The following BRWD1 variants were observed in gnomAD, a reference collection of about 807,000 sequenced individuals.
BRWD1 encodes bromodomain and WD repeat domain containing 1, also known as bromodomain and WD repeat-containing protein 1.
In BRWD1, 82 loss-of-function variants were observed where a neutral mutation model predicts 251.2. The observed-to-expected ratio is 0.33, with a 90% CI of 0.27 to 0.39. The LOEUF is 0.39. Among genes scored for constraint, BRWD1 ranks in the 10% least tolerant of loss-of-function variants. The pLI is 1.00. For synonymous variants in BRWD1, 918 were observed against 902.8 expected, an observed-to-expected ratio of 1.02 and a Z score of -0.30; for missense variants, 2,233 against 2,711.6, an observed-to-expected ratio of 0.82 and a Z score of 3.92.
chr21:39,252,157 G>A (rs1215853266), intron 19 of BRWD1, among the ~76,000 whole-genome samples: 1 of 150,784 alleles, frequency 6.6e-6, no homozygotes, highest in Non-Finnish European at 1.5e-5. Flanking sequence ...GCTGAGGCAG[G>A]AGAATCGCTT....
chr21:39,287,849 G>T (rs1267807908), intron 8 of BRWD1, among the ~76,000 whole-genome samples: 1 of 152,136 alleles, frequency 6.6e-6, no homozygotes, highest in East Asian at 1.9e-4. Context: ...TCTAATACAT[G>T]AATTGGGTGT....
At chr21:39,222,303 T>A (rs1453219768) in intron 29 of BRWD1, among the ~76,000 whole-genome samples, 1 of 152,130 alleles carries the variant, frequency 6.6e-6, no homozygotes, top group East Asian at 1.9e-4. Flanking sequence ...GATGAATGGA[T>A]AAAAATGTGT....
chr21:39,196,510 C>G lies in BRWD1; in HGVS notation c.6559G>C (p.Val2187Leu). ...KRRKTKGKAK[V>L]VRKGKTFTAN... Reference sequence around the variant, plus strand: ...GTAAAAGTTTTACCTTTTCTAACTACTTTTGCTTTTCCTTTCGTTTTCCTC... The same window carrying G: ...GTAAAAGTTTTACCTTTTCTAACTAGTTTTGCTTTTCCTTTCGTTTTCCTC... The change falls in exon 41 of 41, where the codon GTA becomes CTA. Residue 2187 changes from valine (V) to leucine (L), a missense_variant. Val to Leu is a conservative substitution (Grantham distance 32). This residue lies in a region of BRWD1 where 928 missense variants were observed against 970.0 expected (regional missense o/e 0.96). Coordinates refer to ENST00000342449, the MANE Select transcript of BRWD1 (RefSeq NM_033656.4). 1.2e-6 allele frequency: 2 copies of G among 1,613,542 alleles called. No individual in the cohort carries two copies. Among genetic ancestry groups the G allele is most frequent in the South Asian group, 2.2e-5 (2 of 91,022 alleles).
intron 4 of BRWD1, among the ~76,000 whole-genome samples, chr21:39,299,718 T>C (rs1364028559): frequency 1.3e-5 from 2 of 151,858 alleles, no homozygotes; most frequent in South Asian, 4.2e-4. Context: ...CTCACGCTTG[T>C]AATCCCAACA....
At chr21:39,297,843 T>C in intron 5 of BRWD1, 1 of 962,726 alleles carries the variant, frequency 1.0e-6, no homozygotes, top group Non-Finnish European at 1.2e-6. Context: ...TACACATATA[T>C]TATATCACAT....
rs1458378056 is a variant in BRWD1, at chr21:39,282,236, C to G, written c.832-1988G>C. On this transcript the variant is annotated intron_variant, in intron 8 of 40. Coordinates refer to ENST00000342449, the MANE Select transcript of BRWD1 (RefSeq NM_033656.4). ...TCAGCCTGGGCAACAGAGTGAGACTCTGTCTCAAAAAGCAAACAAACTTGC... is the reference window on the plus strand; with the variant it reads ...TCAGCCTGGGCAACAGAGTGAGACTGTGTCTCAAAAAGCAAACAAACTTGC... Among the ~76,000 whole-genome samples the G allele has an allele frequency of 2.0e-5, 3 of 152,222 alleles. No homozygotes were observed. In the East Asian group the frequency reaches 5.8e-4, roughly 29 times the overall value.
intron 1 of BRWD1, 58 bp from the exon 2 acceptor site, chr21:39,313,357 CA>C: frequency 3.4e-6 from 5 of 1,473,514 alleles, no homozygotes; most frequent in Admixed American, 4.4e-5. Context: ...GGGACGGGGC[CA>C]GGGGAGCCGG....
intron 40 of BRWD1, 40 bp downstream of exon 40, chr21:39,198,723 G>T: frequency 2.7e-6 from 4 of 1,496,630 alleles, no homozygotes; most frequent in Non-Finnish European, 3.6e-6. Flanking sequence ...AAAGGATGGT[G>T]AGAGTCAATC....
intron 34 of BRWD1, among the ~76,000 whole-genome samples, chr21:39,211,757 TA>T (rs1404456565): frequency 2.0e-5 from 3 of 152,176 alleles, no homozygotes; most frequent in African/African-American, 7.2e-5. Flanking sequence ...CGAAAATGAC[TA>T]ATCAAATTAG....
chr21:39,196,336 T>G lies in BRWD1; in HGVS notation c.6733A>C (p.Arg2245=), dbSNP rs1427637714. ...SKIKTRNQGR[R]TVRYHDGDDD... The stretch of plus-strand genomic sequence containing the variant: ...TCCCCATCATGGTATCTCACAGTCC[T>G]TCTACCCTGATTTCTCGTTTTTATT... Residue 2245 remains arginine (R), a synonymous_variant, in exon 41 of 41, where the codon AGG becomes CGG. Coordinates refer to ENST00000342449, the MANE Select transcript of BRWD1 (RefSeq NM_033656.4). 3 of 1,613,440 alleles carry G rather than the reference T, an allele frequency of 1.9e-6. No homozygotes were observed. The African/African-American group carries it at 4.0e-5, about 22-fold the overall frequency.
At chr21:39,279,224 ATT>A (rs923154466) in intron 9 of BRWD1, among the ~76,000 whole-genome samples, 1 of 152,226 alleles carries the variant, frequency 6.6e-6, no homozygotes, top group African/African-American at 2.4e-5. Context: ...TCCAGTGTGT[ATT>A]TGAGACTCAA....
intron 21 of BRWD1, among the ~76,000 whole-genome samples, chr21:39,242,017 A>G (rs2034021447): frequency 6.6e-6 from 1 of 152,246 alleles, no homozygotes; most frequent in Admixed American, 6.5e-5. Flanking sequence ...TATTGCAATT[A>G]GACCTACTAA....
Position 39,261,062 on chromosome 21 carries a change from T to G in BRWD1, c.1886-2390A>C, listed in dbSNP as rs568760247. Among the ~76,000 whole-genome samples, 30 of 152,200 alleles carry G rather than the reference T, an allele frequency of 2.0e-4. No homozygotes were observed. The South Asian group carries it at 3.9e-3, about 20-fold the overall frequency. ...CAGCATGGTGAAACTTCATCTGTAC[T>G]AAAAATACAAAAATTAGCCTGGTGT... is the stretch of plus-strand genomic sequence containing the variant. On this transcript the variant is annotated intron_variant, in intron 17 of 40. Coordinates refer to ENST00000342449, the MANE Select transcript of BRWD1 (RefSeq NM_033656.4).
chr21:39,251,444 C>G (rs1460839086), intron 19 of BRWD1, among the ~76,000 whole-genome samples: 1 of 152,012 alleles, frequency 6.6e-6, no homozygotes, highest in Non-Finnish European at 1.5e-5. Context: ...TGTCCCTTTT[C>G]TCCAACTGGA....
At chr21:39,254,084 T>A (rs970459339) in intron 19 of BRWD1, among the ~76,000 whole-genome samples, 1 of 152,074 alleles carries the variant, frequency 6.6e-6, no homozygotes. Flanking sequence ...CTGACCAACA[T>A]GGAGAAACCC....
rs1470847096 is a variant in BRWD1, at chr21:39,293,919, T to C, written c.723A>G (p.Thr241=). The C allele has an allele frequency of 1.2e-6, 2 of 1,614,176 alleles. No individual in the cohort carries two copies. The highest frequency in any genetic ancestry group is 3.3e-5 in the Admixed American group (2 of 60,028). The change falls in exon 8 of 41, where the codon ACA becomes ACG. Residue 241 remains threonine (T), a synonymous_variant. Transcript: ENST00000342449. ...ISDMAVNYEN[T]MIAAGSCDKI... Reference sequence around the variant, plus strand: ...TATCACAGCTCCCCGCAGCAATCATTGTATTCTCATAGTTTACTGCCATAT... The same window carrying C: ...TATCACAGCTCCCCGCAGCAATCATCGTATTCTCATAGTTTACTGCCATAT...
intron 29 of BRWD1, among the ~76,000 whole-genome samples, chr21:39,223,297 CAA>C (rs1336032872): frequency 6.6e-6 from 1 of 151,720 alleles, no homozygotes; most frequent in African/African-American, 2.4e-5. Context: ...ATCTTGAAAT[CAA>C]GTTTTTTAAA....
In BRWD1 at chr21:39,313,252, T is replaced by C. The variant is rs1601523966; in HGVS notation, c.97A>G (p.Arg33Gly). Residue 33 changes from arginine to glycine, a missense_variant, in exon 2 of 41, where the codon AGA becomes GGA. Arg to Gly is a moderately radical substitution (Grantham distance 125, BLOSUM62 -2). Coordinates refer to ENST00000342449, the MANE Select transcript of BRWD1 (RefSeq NM_033656.4). ...ARYLSAGPCR[R>G]AAQVLVQELE... ...GGGCCCGCACTCACCTGGGCCGCTC[T>C]CCGACACGGGCCCGCCGATAGGTAC... The C allele has an allele frequency of 1.9e-6, 3 of 1,546,674 alleles. No homozygotes were observed. The highest frequency in any genetic ancestry group is 1.8e-5 in the Admixed American group (1 of 54,816).
Position 39,225,093 on chromosome 21 carries a change from T to G in BRWD1, c.3313A>C (p.Ile1105Leu), listed in dbSNP as rs1440259977. The change falls in exon 28 of 41, where the codon ATT (isoleucine) becomes CTT (leucine). Residue 1105 changes from isoleucine (I) to leucine (L), a missense_variant. By Grantham distance (5) the Ile-to-Leu change is conservative (BLOSUM62 2). Around this residue, in one of 12 missense-constraint regions of BRWD1, gnomAD observed 139 missense variants for 272.8 expected, o/e 0.51. Transcript: ENST00000342449. ...TTTCATCTGTATACAAACCTAACAA[T>G]ATAACACTGGAAATGACTATCAGGA... is the stretch of plus-strand genomic sequence containing the variant. ...QYPDSHFQCY[I>L]VRWDNTEIEK... The G allele has an allele frequency of 6.3e-7, 1 of 1,595,306 alleles. No individual in the cohort carries two copies. The highest frequency in any genetic ancestry group is 8.6e-7 in the Non-Finnish European group (1 of 1,163,200).
Sources: gnomAD v4.1 joint callset for allele counts (sites outside exome capture counted in the v4.1 genomes callset) on GRCh38, gnomAD v4.1.1 for gene constraint, gnomAD v4.1.1 regional missense constraint, MANE v1.5 for transcripts, NCBI Gene and HGNC (gene_info 2026-07-23, HGNC 2026-07-21) for gene names.